COA1: variants seen among roughly 807,000 people sequenced by gnomAD.
COA1 encodes the protein cytochrome c oxidase assembly factor 1, also known as cytochrome c oxidase assembly factor 1 homolog.
In COA1, 13 loss-of-function variants were observed where a neutral mutation model predicts 16.0. The ratio of observed to expected loss-of-function variants is 0.81; its 90% CI spans 0.53 to 1.29. The LOEUF is 1.29. Ranked by LOEUF, COA1 falls within the 50% of genes most tolerant of loss-of-function variation. The pLI is 0.00. For synonymous variants in COA1, 65 were observed against 65.7 expected, an observed-to-expected ratio of 0.99 and a Z score of 0.05; for missense variants, 179 against 177.0, an observed-to-expected ratio of 1.01 and a Z score of -0.06.
chr7:43,622,264 CCT>C (rs2083973642), intron 6 of COA1: 5 of 152,172 alleles, frequency 3.3e-5, no homozygotes, highest in African/African-American at 1.2e-4. Context: ...ACATTCACAA[CCT>C]CTGTTTCTCA....
At chr7:43,634,588 C>T (rs1377559629), downstream of COA1, among the ~76,000 whole-genome samples, 1 of 152,216 alleles carries the variant, frequency 6.6e-6, no homozygotes, top group East Asian at 1.9e-4. Flanking sequence ...ATGTCCCAAG[C>T]TCTCTGCTGG....
chr7:43,666,637 T>C (rs548184532), intron 1 of COA1, among the ~76,000 whole-genome samples: 8 of 152,304 alleles, frequency 5.3e-5, no homozygotes, highest in African/African-American at 1.9e-4. Context: ...AAAATGCAAA[T>C]AGGTGGTCTA....
chr7:43,684,637 A>G (rs1373434816), intron 1 of COA1, among the ~76,000 whole-genome samples: 1 of 152,208 alleles, frequency 6.6e-6, no homozygotes, highest in East Asian at 1.9e-4. Flanking sequence ...GGCTATAAAG[A>G]GCAAGGGGTT....
chr7:43,623,730 T>C, intron 6 of COA1: 1 of 1,607,030 alleles, frequency 6.2e-7, no homozygotes, highest in Non-Finnish European at 8.5e-7. Context: ...TGTTAACATA[T>C]GTCATGCTTA....
chr7:43,658,204 G>A (rs1014778311), intron 1 of COA1, among the ~76,000 whole-genome samples: 7 of 151,724 alleles, frequency 4.6e-5, no homozygotes, highest in Admixed American at 2.0e-4. Context: ...GTGAAACCTC[G>A]TCTCTACTAA....
intron 1 of COA1, among the ~76,000 whole-genome samples, chr7:43,707,365 C>A (rs1023414166): frequency 1.1e-4 from 16 of 151,970 alleles, no homozygotes; most frequent in African/African-American, 3.4e-4. Context: ...CTGAGTGGTT[C>A]TTTTTTTTAA....
At chr7:43,611,048 T>G (rs1583590879) in intron 6 of COA1, among the ~76,000 whole-genome samples, 1 of 151,948 alleles carries the variant, frequency 6.6e-6, no homozygotes, top group South Asian at 2.1e-4. Context: ...ACCTGGGAGG[T>G]GACGGTTGCA....
intron 1 of COA1, among the ~76,000 whole-genome samples, chr7:43,688,534 T>G (rs10486753): frequency 0.039 from 5,991 of 152,234 alleles, 390 homozygotes; most frequent in African/African-American, 0.14. Flanking sequence ...ACTTTCTTCA[T>G]TAGTCAGGAT....
chr7:43,664,105 G>GAGAA (rs1352191306), intron 1 of COA1, among the ~76,000 whole-genome samples: 1 of 107,860 alleles, frequency 9.3e-6, no homozygotes, highest in Non-Finnish European at 2.4e-5. Flanking sequence ...TCTTTAGAAA[G>GAGAA]AGAGAGAGAG....
intron 6 of COA1, among the ~76,000 whole-genome samples, chr7:43,633,975 CTCAT>C (rs928567975): frequency 2.6e-5 from 4 of 152,136 alleles, no homozygotes; most frequent in African/African-American, 9.7e-5. Flanking sequence ...CTCGTTACTC[CTCAT>C]TCTGCTGTTT....
At chr7:43,613,944 T>C (rs1490177953) in intron 6 of COA1, among the ~76,000 whole-genome samples, 1 of 152,216 alleles carries the variant, frequency 6.6e-6, no homozygotes, top group Non-Finnish European at 1.5e-5. Context: ...AGCATCAGTA[T>C]ATTACTTGAA....
At chr7:43,715,432 C>T (rs919003259) in intron 1 of COA1, among the ~76,000 whole-genome samples, 1 of 149,338 alleles carries the variant, frequency 6.7e-6, no homozygotes, top group African/African-American at 2.5e-5. Context: ...GAGCGGAGAT[C>T]GTGCCACTGC....
chr7:43,681,640 T>C (rs780126601), intron 1 of COA1, among the ~76,000 whole-genome samples: 19 of 152,178 alleles, frequency 1.2e-4, no homozygotes, highest in Non-Finnish European at 1.5e-4. Flanking sequence ...TGGTGAAAAT[T>C]TGCTCACACT....
At chr7:43,691,054 C>CAAAAAAA (rs1173049196) in intron 1 of COA1, among the ~76,000 whole-genome samples, 35 of 39,480 alleles carry the variant, frequency 8.9e-4, no homozygotes, top group Admixed American at 1.2e-3. Context: ...CTCATCACTA[C>CAAAAAAA]AAAAAAAAAA....
intron 6 of COA1, among the ~76,000 whole-genome samples, chr7:43,611,014 G>A (rs536834838): frequency 5.3e-4 from 80 of 152,254 alleles, no homozygotes; most frequent in African/African-American, 1.7e-3. Context: ...CTACTTGGGA[G>A]GCTGAGGCAG....
chr7:43,728,502 C>T (rs186532316), intron 1 of COA1, among the ~76,000 whole-genome samples: 102 of 152,114 alleles, frequency 6.7e-4, no homozygotes, highest in African/African-American at 2.4e-3. Context: ...ATTAAATTAC[C>T]GTAGACTGGC....
intron 1 of COA1, among the ~76,000 whole-genome samples, chr7:43,665,411 A>G (rs1487051617): frequency 2.0e-5 from 3 of 152,372 alleles, no homozygotes; most frequent in Non-Finnish European, 4.4e-5. Context: ...TAAAGAAAAT[A>G]CAATGGCTTC....
rs185031717 is a variant in COA1, at chr7:43,715,461, G to C, written c.-39+13968C>G. Among the ~76,000 whole-genome samples, 452 of 149,692 alleles carry C rather than the reference G, an allele frequency of 3.0e-3. 2 individuals are homozygous for C. The highest frequency in any genetic ancestry group is 4.6e-3 in the Non-Finnish European group (310 of 67,648). ...CCACTGCACTCCAGCCTGGGCAACA[G>C]AGCAAGACTCTATCTCAAAAAAAAA... On this transcript the variant is annotated intron_variant, in intron 1 of 5. Coordinates refer to ENST00000223336, the MANE Select transcript of COA1 (RefSeq NM_018224.4).
intron 1 of COA1, among the ~76,000 whole-genome samples, chr7:43,718,972 C>CT (rs1563479471): frequency 4.7e-5 from 4 of 85,292 alleles, no homozygotes; most frequent in Non-Finnish European, 6.5e-5. Context: ...CAGGAATCTA[C>CT]ATTTTTTTTT....
Sources: gnomAD v4.1 joint callset for allele counts (sites outside exome capture counted in the v4.1 genomes callset) on GRCh38, gnomAD v4.1.1 for gene constraint, MANE v1.5 for transcripts, NCBI Gene and HGNC (gene_info 2026-07-23, HGNC 2026-07-21) for gene names.